ASS1: variants seen among roughly 807,000 people sequenced by gnomAD.
The protein encoded by ASS1 is argininosuccinate synthase 1.
ASS1 carries 58 observed loss-of-function variants against 60.5 expected under a neutral mutation model. The ratio of observed to expected loss-of-function variants is 0.96; its 90% CI spans 0.78 to 1.19. ASS1 has a LOEUF of 1.19. ASS1 is among the 50% of genes most tolerant of loss of function. The pLI is 0.00. For synonymous variants in ASS1, 200 were observed against 206.9 expected (o/e 0.97, Z 0.29); for missense variants, 454 against 547.3 (o/e 0.83, Z 1.70).
rs899525283 is a variant in ASS1 at position 130,466,686 on chromosome 9, C to T, written c.421-39C>T. 5.0e-6 allele frequency: 8 copies of T among 1,596,732 alleles called. No individual in the cohort carries two copies. The East Asian group carries it at 6.7e-5, about 13-fold the overall frequency. On this transcript the variant is annotated intron_variant, in intron 5 of 14. Transcript: ENST00000352480. ...CTTACAGGCCAGGGGAAGCCCACAGCTCGGCCCTCCCGGCTCTGACCCCTT... is the reference window on the plus strand; with the variant it reads ...CTTACAGGCCAGGGGAAGCCCACAGTTCGGCCCTCCCGGCTCTGACCCCTT...
In ASS1 at chr9:130,488,791, A is replaced by G. The variant is rs1390690655; in HGVS notation, c.839-542A>G. Among the ~76,000 whole-genome samples, 1 of 152,100 alleles carries G rather than the reference A, an allele frequency of 6.6e-6. No homozygotes were observed. Among genetic ancestry groups the G allele is most frequent in the Non-Finnish European group, 1.5e-5 (1 of 68,002 alleles). On this transcript the variant is annotated intron_variant, in intron 11 of 14. Coordinates refer to ENST00000352480, the MANE Select transcript of ASS1 (RefSeq NM_054012.4). This position sits in a 1 kb window ranked among gnomAD's most constrained non-coding sequence, Gnocchi z 5.2. Reference sequence around the variant, plus strand: ...TCTTGAGCTCAGTTTCCCCATCTGCACGGTGCGGTCAGCCTAGGTGATTGC... The same window carrying G: ...TCTTGAGCTCAGTTTCCCCATCTGCGCGGTGCGGTCAGCCTAGGTGATTGC...
intron 8 of ASS1, among the ~76,000 whole-genome samples, chr9:130,474,833 A>C (rs1845975938): frequency 6.6e-6 from 1 of 152,238 alleles, no homozygotes; most frequent in East Asian, 1.9e-4. Flanking sequence ...GGTTTGGAGA[A>C]GCCACCTCTC....
Position 130,450,348 on chromosome 9 carries a change from A to G in ASS1, c.-5-1876A>G, listed in dbSNP as rs1297359743. 21 of 987,070 alleles carry G rather than the reference A, an allele frequency of 2.1e-5. No homozygotes were observed. The East Asian group carries it at 2.3e-3, about 106-fold the overall frequency. The allele number at this position is 987,070 out of a possible 1,614,324, so 61.1% of individuals were successfully genotyped here. A position where few individuals can be genotyped will look rare whatever the true frequency, so the allele number is the denominator to read the frequency against. On this transcript the variant is annotated intron_variant, in intron 1 of 14. Coordinates refer to ENST00000352480, the MANE Select transcript of ASS1 (RefSeq NM_054012.4). ...TCCAATCCCAGGTACTGCCCACCTT[A>G]AGTCCTCCCTGCCTGCCTTCCTCCC...
Position 130,477,858 on chromosome 9 carries a change from A to C in ASS1, c.688+897A>C. ...ACTGGAGCTGGGATGAGAGGGAGAG[A>C]GGCTCGTGGAGAGGCCTGGCCCGGC... On this transcript the variant is annotated intron_variant, in intron 9 of 14. Coordinates refer to ENST00000352480, the MANE Select transcript of ASS1 (RefSeq NM_054012.4). This position sits in a 1 kb window ranked among gnomAD's most constrained non-coding sequence, Gnocchi z 4.2. Among the ~76,000 whole-genome samples the C allele has an allele frequency of 6.6e-6, 1 of 152,092 alleles. No individual in the cohort carries two copies.
At chr9:130,483,817 C>T (rs544666314) in intron 11 of ASS1, among the ~76,000 whole-genome samples, 2 of 40,990 alleles carry the variant, frequency 4.9e-5, no homozygotes, top group South Asian at 1.5e-3. Flanking sequence ...CCTCCTTCCC[C>T]TCTTCCCTCC....
Position 130,489,871 on chromosome 9 carries a change from G to C in ASS1, c.970+407G>C, listed in dbSNP as rs571565141. ...TACACGAGGAAACTGAGGCTCAGAAGGAAAGCATAAAACCAGAAGTGGCCT... is the reference window on the plus strand; with the variant it reads ...TACACGAGGAAACTGAGGCTCAGAACGAAAGCATAAAACCAGAAGTGGCCT... On this transcript the variant is annotated intron_variant, in intron 12 of 14. Coordinates refer to ENST00000352480, the MANE Select transcript of ASS1 (RefSeq NM_054012.4). The surrounding 1 kb of genome is among the most constrained non-coding windows in gnomAD (Gnocchi z 4.1). 1.3e-4 allele frequency among the ~76,000 whole-genome samples: 20 copies of C among 152,370 alleles called. No homozygotes were observed. Among genetic ancestry groups the C allele is most frequent in the African/African-American group, 4.8e-4 (20 of 41,596 alleles).
At chr9:130,473,588 G>A (rs893523056) in intron 8 of ASS1, among the ~76,000 whole-genome samples, 2 of 152,178 alleles carry the variant, frequency 1.3e-5, no homozygotes, top group African/African-American at 4.8e-5. Flanking sequence ...TGAGGGTGGG[G>A]CTCAACGTCA....
intron 4 of ASS1, among the ~76,000 whole-genome samples, chr9:130,463,409 T>TC (rs1305967667): frequency 6.6e-6 from 1 of 152,186 alleles, no homozygotes; most frequent in African/African-American, 2.4e-5. Context: ...TTGAGGTGTC[T>TC]CCATTTGCCC....
chr9:130,475,744 T>TTG (rs1485613553), intron 8 of ASS1, among the ~76,000 whole-genome samples: 3 of 147,768 alleles, frequency 2.0e-5, no homozygotes, highest in African/African-American at 4.9e-5. Context: ...GCAAGGTGTT[T>TTG]TTTTTTTTTT....
chr9:130,466,918 GGAT>G, intron 6 of ASS1, 119 bp downstream of exon 6: 3 of 1,181,428 alleles, frequency 2.5e-6, no homozygotes, highest in Non-Finnish European at 3.7e-6. Context: ...ATGTGATGGG[GGAT>G]TGAACTTCCA....
intron 7 of ASS1, 148 bp downstream of exon 7, chr9:130,471,052 G>A: frequency 1.1e-6 from 1 of 896,714 alleles, no homozygotes; most frequent in African/African-American, 1.6e-5. Context: ...AGAGGTCGAA[G>A]CGCCCGGCTC....
At chr9:130,484,197 C>T (rs963854849) in intron 11 of ASS1, among the ~76,000 whole-genome samples, 2 of 152,150 alleles carry the variant, frequency 1.3e-5, no homozygotes, top group Admixed American at 6.5e-5. Context: ...TCTTCCAAAT[C>T]ACTTCTTCTA....
At chr9:130,450,003 G>A (rs1845290877) in intron 1 of ASS1, among the ~76,000 whole-genome samples, 2 of 152,192 alleles carry the variant, frequency 1.3e-5, no homozygotes, top group African/African-American at 2.4e-5. Context: ...CAATAGAGCT[G>A]TTTTAAAACA....
chr9:130,479,679 G>A (rs545264058), intron 9 of ASS1, 37 bp from the exon 10 acceptor site: 74 of 1,550,548 alleles, frequency 4.8e-5, no homozygotes, highest in South Asian at 2.9e-4. Flanking sequence ...CCGCTGAGCC[G>A]GGCCCAGAGG....
At chr9:130,492,751 G>A (rs1588506580) in intron 12 of ASS1, among the ~76,000 whole-genome samples, 1 of 152,228 alleles carries the variant, frequency 6.6e-6, no homozygotes, top group East Asian at 1.9e-4. Flanking sequence ...AGGATCGCAT[G>A]TGTTTGGCTG....
intron 13 of ASS1, among the ~76,000 whole-genome samples, chr9:130,495,992 T>G (rs979006870): frequency 6.6e-6 from 1 of 152,076 alleles, no homozygotes; most frequent in Non-Finnish European, 1.5e-5. Context: ...AAAAACTAAC[T>G]GGAAGGCCGC....
intron 13 of ASS1, among the ~76,000 whole-genome samples, chr9:130,497,747 G>C (rs1846639966): frequency 1.3e-5 from 2 of 152,268 alleles, no homozygotes; most frequent in South Asian, 4.1e-4. Context: ...AGGGACAGAT[G>C]GACACAGAGG....
At chr9:130,475,867 C>A (rs559746184) in intron 8 of ASS1, among the ~76,000 whole-genome samples, 3 of 151,936 alleles carry the variant, frequency 2.0e-5, no homozygotes, top group African/African-American at 7.2e-5. Flanking sequence ...AGCAATTCTC[C>A]TGCCTCAGCC....
At chr9:130,468,408 AT>A (rs1845795002) in intron 6 of ASS1, among the ~76,000 whole-genome samples, 2 of 132,590 alleles carry the variant, frequency 1.5e-5, no homozygotes, top group Non-Finnish European at 3.6e-5. Flanking sequence ...TGTCACCATA[AT>A]TTAAAAAAAA....
Sources: gnomAD v4.1 joint callset for allele counts (sites outside exome capture counted in the v4.1 genomes callset) on GRCh38, gnomAD v4.1.1 for gene constraint, Gnocchi (gnomAD v3.1) non-coding constraint, MANE v1.5 for transcripts, NCBI Gene and HGNC (gene_info 2026-07-23, HGNC 2026-07-21) for gene names.